Variants in ESRRG observed in about 807,000 individuals in gnomAD.
ESRRG encodes estrogen-related receptor gamma.
In ESRRG, 13 loss-of-function variants were observed where a neutral mutation model predicts 44.0. That is an observed-to-expected ratio of 0.30 (90% CI 0.19 to 0.47). The LOEUF is 0.47. Among genes scored for constraint, ESRRG ranks in the 20% least tolerant of loss-of-function variants. ESRRG has a pLI of 1.00. For synonymous variants in ESRRG, 215 were observed against 214.6 expected (o/e 1.00, Z -0.02); for missense variants, 395 against 580.6 (o/e 0.68, Z 3.29).
At chr1:216,718,160 C>T (rs1195662258) in intron 1 of ESRRG, among the ~76,000 whole-genome samples, 2 of 151,800 alleles carry the variant, frequency 1.3e-5, no homozygotes, top group East Asian at 1.9e-4. Flanking sequence ...CTGTAAATAC[C>T]TGAAATACCA....
At chr1:216,583,622 A>C (rs747218348) in intron 3 of ESRRG, among the ~76,000 whole-genome samples, 1 of 152,214 alleles carries the variant, frequency 6.6e-6, no homozygotes, top group Non-Finnish European at 1.5e-5. Context: ...AATTGAACTC[A>C]AGTTACCATA....
intron 1 of ESRRG, chr1:217,078,275 T>C (rs144193796): frequency 6.6e-6 from 1 of 152,394 alleles, no homozygotes; most frequent in Non-Finnish European, 1.5e-5. Flanking sequence ...AGAAGGAAAC[T>C]TCCTGTGTGA....
intron 3 of ESRRG, among the ~76,000 whole-genome samples, chr1:216,586,034 C>T (rs1157369103): frequency 2.1e-5 from 3 of 145,618 alleles, no homozygotes; most frequent in Non-Finnish European, 1.5e-5. Flanking sequence ...AGGGATACTC[C>T]GTCTCAAAAT....
At chr1:216,735,110 T>C (rs1192151688) in intron 2 of ESRRG, among the ~76,000 whole-genome samples, 1 of 151,948 alleles carries the variant, frequency 6.6e-6, no homozygotes, top group African/African-American at 2.4e-5. Flanking sequence ...GTTTTCACCA[T>C]CTTGGCCAGG....
chr1:216,934,345 A>T (rs1317921601), intron 2 of ESRRG, among the ~76,000 whole-genome samples: 1 of 152,120 alleles, frequency 6.6e-6, no homozygotes, highest in Non-Finnish European at 1.5e-5. Flanking sequence ...GAGGCAGGAG[A>T]CTTGCTTGAA....
chr1:216,987,093 C>A (rs1480568741), intron 1 of ESRRG, among the ~76,000 whole-genome samples: 1 of 152,094 alleles, frequency 6.6e-6, no homozygotes, highest in Non-Finnish European at 1.5e-5. Context: ...CAGAGGAGTG[C>A]CAGACAGTTC....
chr1:216,934,393 C>T (rs113422360), intron 2 of ESRRG, among the ~76,000 whole-genome samples: 2 of 152,236 alleles, frequency 1.3e-5, no homozygotes, highest in Admixed American at 6.5e-5. Context: ...AAGATCACTC[C>T]ACTCCTCTCC....
chr1:216,618,506 C>CAT (rs1452450362), intron 3 of ESRRG, among the ~76,000 whole-genome samples: 6 of 152,144 alleles, frequency 3.9e-5, no homozygotes, highest in African/African-American at 1.4e-4. Flanking sequence ...ACCTAATTTA[C>CAT]ATATATATAA....
At chr1:216,961,560 TA>T (rs1229053861) in intron 1 of ESRRG, among the ~76,000 whole-genome samples, 9 of 114,320 alleles carry the variant, frequency 7.9e-5, no homozygotes, top group African/African-American at 1.2e-4. Flanking sequence ...AATTTACTCT[TA>T]TTTTTTTTTT....
chr1:216,757,600 G>C (rs1301410599), intron 2 of ESRRG, among the ~76,000 whole-genome samples: 3 of 151,962 alleles, frequency 2.0e-5, no homozygotes, highest in Non-Finnish European at 2.9e-5. Context: ...GGTGCAAACT[G>C]TGTTGTTTTC....
At chr1:216,510,201 A>G (rs2148762720) in intron 6 of ESRRG, among the ~76,000 whole-genome samples, 1 of 152,336 alleles carries the variant, frequency 6.6e-6, no homozygotes, top group South Asian at 2.1e-4. Flanking sequence ...CAGAACTAGG[A>G]CATCAGCATT....
chr1:217,088,656 A>T (rs2151542605), intron 1 of ESRRG, among the ~76,000 whole-genome samples: 1 of 152,088 alleles, frequency 6.6e-6, no homozygotes, highest in East Asian at 1.9e-4. Context: ...CACAGCACTG[A>T]GGCAGGCGGG....
At chr1:216,638,876 G>A (rs1385607857) in intron 3 of ESRRG, among the ~76,000 whole-genome samples, 1 of 152,188 alleles carries the variant, frequency 6.6e-6, no homozygotes, top group East Asian at 1.9e-4. Flanking sequence ...CCCAACTCTA[G>A]ATGTTGTAAA....
intron 1 of ESRRG, among the ~76,000 whole-genome samples, chr1:216,964,927 A>C (rs1340659869): frequency 6.6e-6 from 1 of 152,230 alleles, no homozygotes; most frequent in Admixed American, 6.5e-5. Flanking sequence ...AGAAAAATAC[A>C]TTTCATAAAC....
intron 1 of ESRRG, among the ~76,000 whole-genome samples, chr1:217,045,467 A>G (rs1198501208): frequency 6.6e-6 from 1 of 152,186 alleles, no homozygotes; most frequent in African/African-American, 2.4e-5. Context: ...AAAGTGGGAG[A>G]AAAGGGGGGA....
intron 2 of ESRRG, among the ~76,000 whole-genome samples, chr1:216,823,641 C>T (rs6604647): frequency 0.74 from 111,886 of 152,078 alleles, 41,347 homozygotes; most frequent in African/African-American, 0.78. Flanking sequence ...GGCTGACAAA[C>T]ACATTGAATT....
At chr1:216,579,443 G>A (rs941666149) in intron 3 of ESRRG, among the ~76,000 whole-genome samples, 9 of 152,038 alleles carry the variant, frequency 5.9e-5, no homozygotes, top group Admixed American at 1.3e-4. Context: ...ATACTCTGAG[G>A]GCCAGTGAGG....
chr1:216,768,450 T>TTATCTATCTATCTATC (rs79038947), intron 2 of ESRRG, among the ~76,000 whole-genome samples: 29 of 114,760 alleles, frequency 2.5e-4, no homozygotes, highest in East Asian at 7.9e-4. Context: ...CTATCTATCA[T>TTATCTATCTATCTATC]TATCTATCTA....
chr1:216,926,867 G>C (rs1367239801), intron 2 of ESRRG, among the ~76,000 whole-genome samples: 1 of 152,126 alleles, frequency 6.6e-6, no homozygotes, highest in African/African-American at 2.4e-5. Flanking sequence ...AATGCTGAAT[G>C]CTGAATGCTG....
Sources: allele counts gnomAD v4.1 joint callset (sites outside exome capture counted in the v4.1 genomes callset), GRCh38; gene constraint gnomAD v4.1.1; transcripts MANE v1.5; gene names NCBI Gene and HGNC (gene_info 2026-07-23, HGNC 2026-07-21).